The following AP4E1 variants were observed in gnomAD, a reference collection of about 807,000 sequenced individuals.
The protein encoded by AP4E1 is AP-4 complex subunit epsilon-1.
AP4E1 carries 56 observed loss-of-function variants against 128.2 expected under a neutral mutation model. That is an observed-to-expected ratio of 0.44 (90% confidence interval 0.35 to 0.55). The LOEUF (loss-of-function observed/expected upper bound fraction) is 0.55. AP4E1 is among the 20% of genes least tolerant of loss of function. The pLI is 0.00. For missense variants in AP4E1, 1,324 were observed against 1,307.7 expected, an observed-to-expected ratio of 1.01 and a Z score of -0.19; for synonymous variants, 484 against 473.1, an observed-to-expected ratio of 1.02 and a Z score of -0.30.
At chr15:50,955,489 T>C (rs538531634) in intron 13 of AP4E1, among the ~76,000 whole-genome samples, 1 of 152,302 alleles carries the variant, frequency 6.6e-6, no homozygotes, top group East Asian at 1.9e-4. Flanking sequence ...GTTGTGATGG[T>C]GTTGTTCAGT....
Position 50,985,911 on chromosome 15 carries a change from A to G in AP4E1, c.2090+1766A>G, listed in dbSNP as rs188167107. ...ATAAATTACCTTGGGCAATATGGCC[A>G]TTTTCACAATATTGATTCTTCCTAC... On this transcript the variant is annotated intron_variant, in intron 16 of 20. Coordinates refer to ENST00000261842, the MANE Select transcript of AP4E1 (RefSeq NM_007347.5). Among the ~76,000 whole-genome samples the G allele has an allele frequency of 2.0e-4, 30 of 152,252 alleles. No homozygotes were observed. In the East Asian group the frequency reaches 5.0e-3, roughly 25 times the overall value.
At chr15:50,952,022 C>T (rs1188940976) in intron 13 of AP4E1, among the ~76,000 whole-genome samples, 5 of 152,042 alleles carry the variant, frequency 3.3e-5, no homozygotes, top group Non-Finnish European at 5.9e-5. Context: ...CCACCACACC[C>T]GGCCCAGTTA....
At chr15:50,945,367 A>G in intron 10 of AP4E1, 1 of 779,462 alleles carries the variant, frequency 1.3e-6, no homozygotes, top group Non-Finnish European at 2.4e-6. Context: ...GAAAAAGGTT[A>G]TATTAGATAT....
intron 3 of AP4E1, among the ~76,000 whole-genome samples, chr15:50,920,568 G>A (rs1175236897): frequency 6.7e-6 from 1 of 148,420 alleles, no homozygotes; most frequent in East Asian, 2.0e-4. Flanking sequence ...CACCGTGCCT[G>A]GCTAATTTTT....
In AP4E1 at chr15:51,005,706, T is replaced by A. The variant is rs2065010623; in HGVS notation, c.*3044T>A. ...TTTATGGATAAATGTAGTATTTGCC[T>A]CATGATTGTGAGCCACTGAGAGTGC... On this transcript the variant is annotated 3_prime_UTR_variant, in exon 21 of 21. Transcript: ENST00000261842. 1 of 152,650 alleles carries A rather than the reference T, an allele frequency of 6.6e-6. No individual in the cohort carries two copies. Among genetic ancestry groups the A allele is most frequent in the Admixed American group, 6.5e-5 (1 of 15,272 alleles). The allele number at this position is 152,650 out of a possible 1,614,324, so 9.5% of individuals were successfully genotyped here. A position where few individuals can be genotyped will look rare whatever the true frequency, so the allele number is the denominator to read the frequency against.
chr15:50,966,142 A>G (rs1160798885), intron 14 of AP4E1, among the ~76,000 whole-genome samples: 6 of 152,094 alleles, frequency 3.9e-5, no homozygotes, highest in African/African-American at 1.4e-4. Context: ...GCTGGTCTCA[A>G]ACTCCTGACC....
chr15:50,963,871 ATT>A (rs1213824754), intron 14 of AP4E1, among the ~76,000 whole-genome samples: 1 of 152,224 alleles, frequency 6.6e-6, no homozygotes, highest in African/African-American at 2.4e-5. Flanking sequence ...TTCCTCAATT[ATT>A]CTGTATTAAA....
intron 10 of AP4E1, chr15:50,945,100 A>G: frequency 6.3e-6 from 5 of 787,516 alleles, no homozygotes; most frequent in Non-Finnish European, 1.2e-5. Flanking sequence ...GGAGATGAGG[A>G]AGAACCATTA....
intron 10 of AP4E1, chr15:50,944,809 T>C: frequency 1.4e-6 from 1 of 697,886 alleles, no homozygotes; most frequent in Non-Finnish European, 2.6e-6. Flanking sequence ...GCTACCAAAA[T>C]GGAATGAGTA....
At chr15:50,918,536 A>G (rs1225469540) in intron 3 of AP4E1, among the ~76,000 whole-genome samples, 1 of 152,206 alleles carries the variant, frequency 6.6e-6, no homozygotes, top group Non-Finnish European at 1.5e-5. Context: ...TATAATTTAA[A>G]TAATTTTCAA....
At chr15:50,972,108 G>A (rs988320309) in intron 15 of AP4E1, among the ~76,000 whole-genome samples, 7 of 152,178 alleles carry the variant, frequency 4.6e-5, no homozygotes, top group African/African-American at 1.7e-4. Flanking sequence ...TAAAGGGAAA[G>A]ACTTATTTGT....
rs1240645636 is a variant in AP4E1, at chr15:50,968,297, T to C, written c.1886T>C (p.Val629Ala). ...TCTTTATCTTTTCTGGATGGTTTTGTGGCTGAAGGACTCAGTCAGGGTGCA... is the reference window on the plus strand; with the variant it reads ...TCTTTATCTTTTCTGGATGGTTTTGCGGCTGAAGGACTCAGTCAGGGTGCA... ...DASLSFLDGF[V>A]AEGLSQGAAP... Residue 629 changes from valine (V) to alanine (A), a missense_variant, in exon 15 of 21, where the codon GTG (valine) becomes GCG (alanine). Transcript: ENST00000261842. The C allele has an allele frequency of 6.2e-7, 1 of 1,613,840 alleles. No homozygotes were observed. The highest frequency in any genetic ancestry group is 1.7e-5 in the Admixed American group (1 of 60,016).
In AP4E1 at chr15:50,958,489, C is replaced by A. The variant is rs774758108; in HGVS notation, c.1549-3C>A. ...TATGAATATCTCTTTGTTTTATTTA[C>A]AGGTATTAGGGGAATATTCCTACCT... On this transcript the variant is annotated splice_region_variant and splice_polypyrimidine_tract_variant and intron_variant, in intron 13 of 20. Transcript: ENST00000261842. 6.2e-7 allele frequency: 1 copy of A among 1,605,442 alleles called. No individual in the cohort carries two copies. The highest frequency in any genetic ancestry group is 1.7e-5 in the Admixed American group (1 of 59,412).
chr15:50,912,657 AT>A (rs200052940), intron 2 of AP4E1, among the ~76,000 whole-genome samples: 105 of 144,264 alleles, frequency 7.3e-4, no homozygotes, highest in Non-Finnish European at 8.1e-4. Flanking sequence ...ACTCAGTTTG[AT>A]TTTTTTTTTT....
chr15:50,976,317 A>T (rs2064549806), intron 15 of AP4E1, among the ~76,000 whole-genome samples: 1 of 152,214 alleles, frequency 6.6e-6, no homozygotes, highest in Non-Finnish European at 1.5e-5. Context: ...GTGTTTGACA[A>T]AATTGAATAC....
chr15:50,917,505 AG>A (rs2063644246), intron 3 of AP4E1, among the ~76,000 whole-genome samples: 1 of 152,122 alleles, frequency 6.6e-6, no homozygotes, highest in Non-Finnish European at 1.5e-5. Flanking sequence ...CCCTTCTTAG[AG>A]GTATCTATTT....
At chr15:50,987,090 T>C (rs2064737792) in intron 16 of AP4E1, among the ~76,000 whole-genome samples, 1 of 152,354 alleles carries the variant, frequency 6.6e-6, no homozygotes, top group South Asian at 2.1e-4. Flanking sequence ...TCTAGTTTAT[T>C]TGCGTAGAGG....
chr15:50,957,817 T>C (rs530334957), intron 13 of AP4E1, among the ~76,000 whole-genome samples: 2 of 151,806 alleles, frequency 1.3e-5, no homozygotes, highest in East Asian at 3.9e-4. Context: ...GCTGAGACTC[T>C]AGGCGTGTGC....
chr15:50,956,293 A>G (rs1293758412), intron 13 of AP4E1, among the ~76,000 whole-genome samples: 2 of 152,148 alleles, frequency 1.3e-5, no homozygotes, highest in Non-Finnish European at 2.9e-5. Flanking sequence ...GATTGAACTC[A>G]TTTAGTCCTA....
Sources: gnomAD v4.1 joint callset for allele counts (sites outside exome capture counted in the v4.1 genomes callset) on GRCh38, gnomAD v4.1.1 for gene constraint, MANE v1.5 for transcripts, NCBI Gene and HGNC (gene_info 2026-07-23, HGNC 2026-07-21) for gene names.